BMAL1: variants seen among roughly 807,000 people sequenced by gnomAD.
BMAL1 encodes the protein basic helix-loop-helix ARNT like 1.
the BMAL1 span, among the ~76,000 whole-genome samples, chr11:13,347,828 C>T: frequency 6.6e-6 from 1 of 152,112 alleles, no homozygotes; most frequent in Admixed American, 6.6e-5. Context: ...CCAGCCTGGG[C>T]GACAGAGCAA....
chr11:13,384,437 C>T, the BMAL1 span, among the ~76,000 whole-genome samples: 1 of 152,114 alleles, frequency 6.6e-6, no homozygotes, highest in Non-Finnish European at 1.5e-5. Flanking sequence ...ATCCTAAGTG[C>T]CAAGATATAA....
chr11:13,310,870 T>C, the BMAL1 span, among the ~76,000 whole-genome samples: 1 of 152,176 alleles, frequency 6.6e-6, no homozygotes, highest in Admixed American at 6.5e-5. Context: ...GGAACATTCA[T>C]CTGATAGCTG....
chr11:13,348,119 G>A, the BMAL1 span, among the ~76,000 whole-genome samples: 1 of 152,248 alleles, frequency 6.6e-6, no homozygotes, highest in Non-Finnish European at 1.5e-5. Flanking sequence ...AGCTCTGAAG[G>A]CTTCTCCAGG....
the BMAL1 span, among the ~76,000 whole-genome samples, chr11:13,328,735 C>T: frequency 6.6e-6 from 1 of 152,152 alleles, no homozygotes. Flanking sequence ...AGTTTTTCCT[C>T]CAGAGTTTTC....
the BMAL1 span, among the ~76,000 whole-genome samples, chr11:13,282,541 C>A: frequency 6.6e-6 from 1 of 152,162 alleles, no homozygotes; most frequent in African/African-American, 2.4e-5. Context: ...GCTGTCCATT[C>A]CCTGTACCAG....
At chr11:13,297,836 C>CTT in the BMAL1 span, among the ~76,000 whole-genome samples, 13 of 152,202 alleles carry the variant, frequency 8.5e-5, no homozygotes, top group Admixed American at 3.3e-4. Context: ...GAACCTACTG[C>CTT]ATGGGACCAT....
the BMAL1 span, chr11:13,379,809 T>C: frequency 6.6e-6 from 1 of 152,178 alleles, no homozygotes. Flanking sequence ...CTGGGCAGGC[T>C]TTGTGTAGGA....
At chr11:13,324,458 G>A in the BMAL1 span, among the ~76,000 whole-genome samples, 1 of 151,982 alleles carries the variant, frequency 6.6e-6, no homozygotes, top group Admixed American at 6.6e-5. Context: ...CCCAGACACC[G>A]CCTGTCTCAC....
the BMAL1 span, among the ~76,000 whole-genome samples, chr11:13,374,730 T>G: frequency 1.3e-3 from 203 of 152,340 alleles, no homozygotes; most frequent in Non-Finnish European, 1.6e-3. Context: ...TCTCAGGGTT[T>G]CTCTGATCCC....
the BMAL1 span, among the ~76,000 whole-genome samples, chr11:13,284,266 A>AT: frequency 1.3e-4 from 6 of 44,880 alleles, no homozygotes; most frequent in African/African-American, 4.0e-4. Flanking sequence ...ATATATATAT[A>AT]TTTTTTTTTT....
At chr11:13,378,731 C>G in the BMAL1 span, 45,058 of 372,072 alleles carry the variant, frequency 0.12, 2,930 homozygotes, top group African/African-American at 0.14. Flanking sequence ...AGAAGCTAAA[C>G]CAAAATAGCC....
At chr11:13,381,697 AAT>A in the BMAL1 span, among the ~76,000 whole-genome samples, 1 of 152,312 alleles carries the variant, frequency 6.6e-6, no homozygotes, top group East Asian at 1.9e-4. Flanking sequence ...ATAGCTGCAG[AAT>A]ACTTGGGGAT....
chr11:13,291,321 C>G, the BMAL1 span, among the ~76,000 whole-genome samples: 1 of 152,142 alleles, frequency 6.6e-6, no homozygotes, highest in African/African-American at 2.4e-5. Context: ...GCAAAGAAGA[C>G]TGGGAGATAT....
chr11:13,383,504 A>G, the BMAL1 span, among the ~76,000 whole-genome samples: 1 of 152,110 alleles, frequency 6.6e-6, no homozygotes, highest in Non-Finnish European at 1.5e-5. Context: ...TGTATTCTTC[A>G]CCACCACACA....
the BMAL1 span, chr11:13,354,220 CAAGCA>C: frequency 7.0e-7 from 1 of 1,418,692 alleles, no homozygotes; most frequent in East Asian, 3.0e-5. Context: ...ACCAAACCCC[CAAGCA>C]CCAACCTGGG....
the BMAL1 span, among the ~76,000 whole-genome samples, chr11:13,323,805 TGG>T: frequency 6.6e-6 from 1 of 152,112 alleles, no homozygotes; most frequent in Non-Finnish European, 1.5e-5. Context: ...TCAGTAGAGA[TGG>T]GGTATCACCA....
chr11:13,281,543 G>C, the BMAL1 span, among the ~76,000 whole-genome samples: 2 of 151,992 alleles, frequency 1.3e-5, no homozygotes, highest in Non-Finnish European at 2.9e-5. Context: ...TTTTAAACAT[G>C]GTCTCAGTCT....
chr11:13,356,922 C>T, the BMAL1 span: 11 of 1,583,824 alleles, frequency 6.9e-6, no homozygotes, highest in Non-Finnish European at 9.5e-6. Flanking sequence ...CTCACTGTGT[C>T]CCTCCAACCC....
chr11:13,309,385 G>A, the BMAL1 span, among the ~76,000 whole-genome samples: 27 of 152,274 alleles, frequency 1.8e-4, no homozygotes, highest in Non-Finnish European at 2.6e-4. Context: ...TGCCTTCTTA[G>A]ATTCTGGGAG....
Sources: allele counts gnomAD v4.1 joint callset (sites outside exome capture counted in the v4.1 genomes callset), GRCh38; gene constraint gnomAD v4.1.1; transcripts MANE v1.5; gene names NCBI Gene and HGNC (gene_info 2026-07-23, HGNC 2026-07-21).